Variants in CAMTA1 observed in about 807,000 individuals in gnomAD.
The protein encoded by CAMTA1 is calmodulin binding transcription activator 1.
CAMTA1 carries 27 observed loss-of-function variants against 170.9 expected under a neutral mutation model. The observed-to-expected ratio is 0.16, with a 90% CI of 0.12 to 0.22. CAMTA1 has a LOEUF of 0.22. Ranked by LOEUF, CAMTA1 falls within the 10% of genes least tolerant of loss-of-function variation. The pLI, the probability that CAMTA1 is intolerant of heterozygous loss-of-function variation, is 1.00. For missense variants in CAMTA1, 1,619 were observed against 2,217.2 expected, an observed-to-expected ratio of 0.73 and a Z score of 5.42; for synonymous variants, 833 against 891.5, an observed-to-expected ratio of 0.93 and a Z score of 1.17.
Position 7,293,079 on chromosome 1 carries a change from C to T in CAMTA1, c.438+43453C>T, listed in dbSNP as rs1005768593. Among the ~76,000 whole-genome samples, 2 of 152,188 alleles carry T rather than the reference C, an allele frequency of 1.3e-5. No homozygotes were observed. The highest frequency in any genetic ancestry group is 4.8e-5 in the African/African-American group (2 of 41,454). On this transcript the variant is annotated intron_variant, in intron 5 of 22. Coordinates refer to ENST00000303635, the MANE Select transcript of CAMTA1 (RefSeq NM_015215.4). This position sits in a 1 kb window ranked among gnomAD's most constrained non-coding sequence, Gnocchi z 4.1. ...CCTACTCCCTGCTGGGTCACTGGAG[C>T]TTCCAGAGCCCAGGCTTCGTTGCTT... is the stretch of plus-strand genomic sequence containing the variant.
chr1:7,310,507 G>T (rs1382626326), intron 5 of CAMTA1, among the ~76,000 whole-genome samples: 1 of 152,044 alleles, frequency 6.6e-6, no homozygotes, highest in Non-Finnish European at 1.5e-5. Context: ...GCCAAATTTG[G>T]CCCAAGGACC....
intron 5 of CAMTA1, among the ~76,000 whole-genome samples, chr1:7,276,303 A>ATAATTTTTTTTTTTTTTTT: frequency 4.1e-5 from 1 of 24,232 alleles, no homozygotes; most frequent in African/African-American, 3.0e-4. Context: ...ATATATATAT[A>ATAATTTTTTTTTTTTTTTT]TTTTTTTTTT....
rs761982256 is a variant in CAMTA1 at position 7,664,260 on chromosome 1, G to T, written c.1713G>T (p.Ser571=). ...CCGCCGGCTCCAGCCTCCTGCCGTC[G>T]GGCGGCGGCCTGAGTCCCAGCACCA... The part of the protein sequence containing the change: ...TLTAGSSLLP[S]GGGLSPSTTL... The change falls in exon 9 of 23, where the codon TCG becomes TCT. Residue 571 remains serine (S), a synonymous_variant. Transcript: ENST00000303635. 2 of 1,612,508 alleles carry T rather than the reference G, an allele frequency of 1.2e-6. No homozygotes were observed. The highest frequency in any genetic ancestry group is 1.3e-5 in the African/African-American group (1 of 74,936).
In CAMTA1 at chr1:7,055,322, C is replaced by A. The variant is rs1456147106; in HGVS notation, c.235-35982C>A. ...AAAGCCCCAGAATTAAGAACCAGAG[C>A]CTTCCCTTTACAGCAGTGTTGAGCA... On this transcript the variant is annotated intron_variant, in intron 3 of 22. Transcript: ENST00000303635. Among the ~76,000 whole-genome samples, 3 of 152,158 alleles carry A rather than the reference C, an allele frequency of 2.0e-5. No individual in the cohort carries two copies. In the East Asian group the frequency reaches 5.8e-4, roughly 29 times the overall value.
At chr1:7,313,905 G>A (rs945329168) in intron 5 of CAMTA1, among the ~76,000 whole-genome samples, 1 of 152,190 alleles carries the variant, frequency 6.6e-6, no homozygotes, top group Non-Finnish European at 1.5e-5. Context: ...GCAGTGCGGA[G>A]AGGGCACATC....
At chr1:7,567,099 A>G (rs2095052516) in intron 6 of CAMTA1, among the ~76,000 whole-genome samples, 1 of 152,218 alleles carries the variant, frequency 6.6e-6, no homozygotes, top group African/African-American at 2.4e-5. Context: ...GGGGACCTCA[A>G]GTGTGGATAA....
At chr1:7,078,499 G>A (rs895015347) in intron 3 of CAMTA1, among the ~76,000 whole-genome samples, 11 of 152,290 alleles carry the variant, frequency 7.2e-5, no homozygotes, top group African/African-American at 2.6e-4. Context: ...CTGTCTCTGA[G>A]ACAACAATGA....
At chr1:7,247,873 G>A (rs1278617118) in intron 4 of CAMTA1, among the ~76,000 whole-genome samples, 1 of 152,168 alleles carries the variant, frequency 6.6e-6, no homozygotes, top group Non-Finnish European at 1.5e-5. Context: ...TTCCAATGCA[G>A]ACTTGTAAGC....
rs1646749877 is a variant in CAMTA1, at chr1:6,823,449, A to G, written c.116-1643A>G. Among the ~76,000 whole-genome samples, 3 of 152,184 alleles carry G rather than the reference A, an allele frequency of 2.0e-5. No individual in the cohort carries two copies. In the South Asian group the frequency reaches 6.2e-4, roughly 31 times the overall value. On this transcript the variant is annotated intron_variant, in intron 2 of 22. Transcript: ENST00000303635. ...ATTAAAATTTGAAATTCTTGAAAGCAGTCAGTTTTTAGGTTTTTAAAGTTT... is the reference window on the plus strand; with the variant it reads ...ATTAAAATTTGAAATTCTTGAAAGCGGTCAGTTTTTAGGTTTTTAAAGTTT...
At chr1:7,701,767 A>G (rs2096442789) in intron 11 of CAMTA1, among the ~76,000 whole-genome samples, 1 of 152,180 alleles carries the variant, frequency 6.6e-6, no homozygotes, top group African/African-American at 2.4e-5. Flanking sequence ...TGGTACTGCC[A>G]ATGGACTCAT....
At position 7,293,566 on chromosome 1, in the gene CAMTA1, A is replaced by G. The variant is rs1056321159; in HGVS notation, c.438+43940A>G. On this transcript the variant is annotated intron_variant, in intron 5 of 22. Transcript: ENST00000303635. This position sits in a 1 kb window ranked among gnomAD's most constrained non-coding sequence, Gnocchi z 4.1. Reference sequence around the variant, plus strand: ...TTGCCATCCACTGGGAAATGTATTTATCACTACAGTTTGTATAATTTGGTG... The same window carrying G: ...TTGCCATCCACTGGGAAATGTATTTGTCACTACAGTTTGTATAATTTGGTG... Among the ~76,000 whole-genome samples the G allele has an allele frequency of 7.2e-5, 11 of 152,188 alleles. No individual in the cohort carries two copies. The highest frequency in any genetic ancestry group is 2.7e-4 in the African/African-American group (11 of 41,444).
In CAMTA1 at chr1:7,680,844, G is replaced by GCGCA. The variant is rs1272060053; in HGVS notation, c.2914+3114_2914+3115insACGC. ...CGTGGGTCCGGGGCGCAGAGAACAC[G>GCGCA]CGCGCGCGCGCGCGCGCCAGCAGCA... is the stretch of plus-strand genomic sequence containing the variant. On this transcript the variant is annotated intron_variant, in intron 11 of 22. Coordinates refer to ENST00000303635, the MANE Select transcript of CAMTA1 (RefSeq NM_015215.4). This position sits in a 1 kb window ranked among gnomAD's most constrained non-coding sequence, Gnocchi z 4.4. 8.6e-6 allele frequency among the ~76,000 whole-genome samples: 1 copy of GCGCA among 116,878 alleles called. No individual in the cohort carries two copies. Among genetic ancestry groups the GCGCA allele is most frequent in the African/African-American group, 3.3e-5 (1 of 30,190 alleles). 76.7% of individuals were successfully genotyped at this position (116,878 alleles called of 152,430 possible).
intron 7 of CAMTA1, among the ~76,000 whole-genome samples, chr1:7,657,593 C>T (rs1031454805): frequency 3.9e-5 from 6 of 152,302 alleles, no homozygotes; most frequent in East Asian, 1.9e-4. Context: ...GGCCGGCATG[C>T]GTGGCTATTA....
intron 3 of CAMTA1, among the ~76,000 whole-genome samples, chr1:6,930,814 T>C (rs1684269442): frequency 6.6e-6 from 1 of 152,226 alleles, no homozygotes; most frequent in South Asian, 2.1e-4. Context: ...GCCCCTGCTC[T>C]GGAGCTTGGG....
intron 5 of CAMTA1, among the ~76,000 whole-genome samples, chr1:7,279,649 C>T (rs751554973): frequency 6.6e-6 from 1 of 152,164 alleles, no homozygotes; most frequent in East Asian, 1.9e-4. Context: ...CGACCCCATG[C>T]GGCACCGTGC....
At chr1:7,068,336 A>G (rs1057424728) in intron 3 of CAMTA1, among the ~76,000 whole-genome samples, 2 of 151,786 alleles carry the variant, frequency 1.3e-5, no homozygotes, top group Admixed American at 1.3e-4. Flanking sequence ...TCTCCAGCAC[A>G]GCACTGAGCT....
At chr1:7,420,450 G>A (rs966718602) in intron 5 of CAMTA1, among the ~76,000 whole-genome samples, 8 of 152,164 alleles carry the variant, frequency 5.3e-5, no homozygotes, top group African/African-American at 1.7e-4. Context: ...GTTTGCTGCT[G>A]TATCCTCAGT....
chr1:7,513,665 G>A (rs1280883197), intron 6 of CAMTA1, among the ~76,000 whole-genome samples: 1 of 152,192 alleles, frequency 6.6e-6, no homozygotes, highest in Non-Finnish European at 1.5e-5. Flanking sequence ...GCTCACACCT[G>A]TAATCCCAGC....
intron 4 of CAMTA1, among the ~76,000 whole-genome samples, chr1:7,182,050 C>T (rs1652282316): frequency 6.6e-6 from 1 of 150,976 alleles, no homozygotes; most frequent in African/African-American, 2.5e-5. Context: ...TGAAATAGAC[C>T]CCAAGTTCAT....
Sources: gnomAD v4.1 joint callset for allele counts (sites outside exome capture counted in the v4.1 genomes callset) on GRCh38, gnomAD v4.1.1 for gene constraint, Gnocchi (gnomAD v3.1) non-coding constraint, MANE v1.5 for transcripts, NCBI Gene and HGNC (gene_info 2026-07-23, HGNC 2026-07-21) for gene names.